PAM: variants seen among roughly 807,000 people sequenced by gnomAD.
PAM encodes the protein peptidylglycine alpha-amidating monooxygenase, also known as peptidyl-glycine alpha-amidating monooxygenase.
PAM carries 72 observed loss-of-function variants against 122.1 expected under a neutral mutation model. The observed-to-expected ratio is 0.59, with a 90% confidence interval of 0.49 to 0.72. The LOEUF (loss-of-function observed/expected upper bound fraction) is 0.72, where lower values mean the gene tolerates loss of function less well. Among genes scored for constraint, PAM ranks in the 30% least tolerant of loss-of-function variants. The pLI is 0.00. For missense variants in PAM, 1,106 were observed against 1,183.7 expected (o/e 0.93, Z 0.96); for synonymous variants, 389 against 404.4 (o/e 0.96, Z 0.46).
intron 7 of PAM, among the ~76,000 whole-genome samples, chr5:102,942,625 C>T (rs1036542740): frequency 1.3e-5 from 2 of 151,820 alleles, no homozygotes; most frequent in Non-Finnish European, 2.9e-5. Context: ...CTCTGTCACC[C>T]AGGCTGAAGT....
chr5:102,960,178 C>T (rs1354980599), intron 13 of PAM, 119 bp downstream of exon 13: 4 of 588,638 alleles, frequency 6.8e-6, no homozygotes, highest in African/African-American at 5.7e-5. Flanking sequence ...GTCACATGTA[C>T]ACACATATTT....
At chr5:102,945,656 C>G (rs77512519) in intron 7 of PAM, among the ~76,000 whole-genome samples, 4 of 151,972 alleles carry the variant, frequency 2.6e-5, no homozygotes, top group Admixed American at 1.3e-4. Context: ...TCTTCTCCCC[C>G]CCTCTCTCCT....
At chr5:102,988,807 T>TA (rs1440592178) in intron 15 of PAM, among the ~76,000 whole-genome samples, 1 of 152,176 alleles carries the variant, frequency 6.6e-6, no homozygotes, top group Non-Finnish European at 1.5e-5. Context: ...TATGTTTTGT[T>TA]AATTTTTATT....
chr5:103,005,713 C>T (rs1221996986), intron 18 of PAM, among the ~76,000 whole-genome samples: 3 of 152,152 alleles, frequency 2.0e-5, no homozygotes, highest in Non-Finnish European at 4.4e-5. Context: ...ATTTGAGGCA[C>T]AAACATTCAG....
intron 14 of PAM, among the ~76,000 whole-genome samples, chr5:102,963,638 A>C (rs1763171084): frequency 6.6e-6 from 1 of 151,898 alleles, no homozygotes; most frequent in African/African-American, 2.4e-5. Flanking sequence ...TTGGTCCTAC[A>C]GAAGATGTGA....
chr5:102,779,886 C>CATATATATATATAT (rs767088116), intron 1 of PAM, among the ~76,000 whole-genome samples: 35 of 81,012 alleles, frequency 4.3e-4, no homozygotes, highest in Admixed American at 6.0e-4. Context: ...CTCCCATATA[C>CATATATATATATAT]ATATATATAT....
chr5:102,994,654 A>G (rs1376213237), intron 16 of PAM, among the ~76,000 whole-genome samples: 3 of 152,194 alleles, frequency 2.0e-5, no homozygotes, highest in Non-Finnish European at 2.9e-5. Context: ...ATCTCCAAAT[A>G]TGTGTCAAAA....
At chr5:102,905,065 C>A (rs75661801) in intron 4 of PAM, among the ~76,000 whole-genome samples, 1 of 151,614 alleles carries the variant, frequency 6.6e-6, no homozygotes, top group East Asian at 2.0e-4. Context: ...ATATTTTGAA[C>A]AAAATTATAG....
intron 14 of PAM, among the ~76,000 whole-genome samples, chr5:102,961,887 A>G (rs1762607664): frequency 6.6e-6 from 1 of 151,960 alleles, no homozygotes; most frequent in Non-Finnish European, 1.5e-5. Context: ...TTTGGAAGGT[A>G]GTGCTTTGGG....
chr5:103,025,303 T>C lies in PAM; in HGVS notation c.2658T>C (p.Phe886=). 1 of 1,613,736 alleles carries C rather than the reference T, an allele frequency of 6.2e-7. No homozygotes were observed. Among genetic ancestry groups the C allele is most frequent in the Non-Finnish European group, 8.5e-7 (1 of 1,179,694 alleles). Reference sequence around the variant, plus strand: ...TTGTCCTGCTGGCCATTGCCATATTTATTCGGTGGAAAAAATCAAGGGCCT... The same window carrying C: ...TTGTCCTGCTGGCCATTGCCATATTCATTCGGTGGAAAAAATCAAGGGCCT... ...PVVVLLAIAI[F]IRWKKSRAFG... is the part of the protein sequence containing the mutation. The change falls in exon 24 of 26, where the codon TTT becomes TTC. Residue 886 remains phenylalanine, a synonymous_variant. Transcript: ENST00000438793.
At chr5:103,030,482 C>T (rs975625331), downstream of PAM, 1 of 152,278 alleles carries the variant, frequency 6.6e-6, no homozygotes, top group African/African-American at 2.4e-5. Context: ...ATTGACTAAT[C>T]ATAAAGTACA....
intron 12 of PAM, 105 bp from the exon 13 acceptor site, chr5:102,959,770 T>C (rs1447818416): frequency 1.4e-6 from 1 of 691,596 alleles, no homozygotes; most frequent in Non-Finnish European, 2.5e-6. Context: ...ACAATATTTC[T>C]ACCTTTGAAT....
At chr5:102,774,634 G>C (rs923334451) in intron 1 of PAM, among the ~76,000 whole-genome samples, 2 of 152,006 alleles carry the variant, frequency 1.3e-5, no homozygotes, top group African/African-American at 2.4e-5. Flanking sequence ...AGTTTTTCAG[G>C]TGCTTATTGA....
intron 21 of PAM, among the ~76,000 whole-genome samples, chr5:103,010,110 G>A (rs188129344): frequency 7.3e-4 from 111 of 152,176 alleles, no homozygotes; most frequent in African/African-American, 2.6e-3. Context: ...GCAGTTCTAA[G>A]GTTCTTAGTA....
intron 3 of PAM, among the ~76,000 whole-genome samples, chr5:102,900,879 G>GGCAACC (rs1797631053): frequency 1.3e-5 from 2 of 151,472 alleles, no homozygotes; most frequent in African/African-American, 4.8e-5. Context: ...AAAATTTAAA[G>GGCAACC]TAAGGGAGGG....
chr5:103,007,323 A>G, intron 19 of PAM, 134 bp from the exon 20 acceptor site: 1 of 726,294 alleles, frequency 1.4e-6, no homozygotes, highest in Non-Finnish European at 2.4e-6. Flanking sequence ...TAATCTTATA[A>G]ACTGCTTTAC....
chr5:102,836,166 A>G (rs896457061), intron 1 of PAM, among the ~76,000 whole-genome samples: 12 of 152,214 alleles, frequency 7.9e-5, no homozygotes, highest in African/African-American at 2.4e-4. Context: ...ATAGCAATCC[A>G]TTCTCTCTTA....
intron 1 of PAM, among the ~76,000 whole-genome samples, chr5:102,802,799 A>G (rs78799826): frequency 0.026 from 4,005 of 152,168 alleles, 103 homozygotes; most frequent in East Asian, 0.14. Flanking sequence ...CCGTTTATGG[A>G]GTGTTTGTGA....
chr5:102,807,864 TA>T lies in PAM; in HGVS notation c.-374+52518del, dbSNP rs549797710. Among the ~76,000 whole-genome samples the T allele has an allele frequency of 4.8e-3, 725 of 152,330 alleles. 3 individuals carry two copies. Among genetic ancestry groups the T allele is most frequent in the African/African-American group, 0.016 (671 of 41,574 alleles). Reference sequence around the variant, plus strand: ...GCTTCAGATGTGAGGGGAATGATGCTAATAGAATCATGTAAAGATGTTTGTC... The same window carrying T: ...GCTTCAGATGTGAGGGGAATGATGCTATAGAATCATGTAAAGATGTTTGTC... On this transcript the variant is annotated intron_variant, in intron 1 of 25. Coordinates refer to ENST00000438793, the MANE Select transcript of PAM (RefSeq NM_001177306.2).
Sources: allele counts gnomAD v4.1 joint callset (sites outside exome capture counted in the v4.1 genomes callset), GRCh38; gene constraint gnomAD v4.1.1; transcripts MANE v1.5; gene names NCBI Gene and HGNC (gene_info 2026-07-23, HGNC 2026-07-21).